CDC45: variants seen among roughly 807,000 people sequenced by gnomAD.
CDC45 encodes the protein cell division control protein 45 homolog.
CDC45 carries 54 observed loss-of-function variants against 77.8 expected under a neutral mutation model. The ratio of observed to expected loss-of-function variants is 0.69; its 90% CI spans 0.56 to 0.87. CDC45 has a LOEUF of 0.87. Ranked by LOEUF, CDC45 falls within the 40% of genes least tolerant of loss-of-function variation. The pLI is 0.00. For synonymous variants in CDC45, 260 were observed against 272.1 expected (o/e 0.96, Z 0.44); for missense variants, 649 against 721.6 (o/e 0.90, Z 1.15).
intron 15 of CDC45, 31 bp from the exon 16 acceptor site, chr22:19,516,496 C>A: frequency 6.4e-7 from 1 of 1,567,338 alleles, no homozygotes; most frequent in Non-Finnish European, 8.8e-7. Context: ...GCCCACCATA[C>A]CCTGACGGAG....
chr22:19,512,612 A>G (rs1054715059), intron 13 of CDC45, among the ~76,000 whole-genome samples: 1 of 152,128 alleles, frequency 6.6e-6, no homozygotes, highest in Non-Finnish European at 1.5e-5. Flanking sequence ...TTGTCTACCA[A>G]CTTCCTGCTA....
At chr22:19,512,963 T>C (rs990759350) in intron 13 of CDC45, among the ~76,000 whole-genome samples, 2 of 152,152 alleles carry the variant, frequency 1.3e-5, no homozygotes, top group Non-Finnish European at 1.5e-5. Flanking sequence ...GCAGAGACCA[T>C]GTGGCAATGG....
intron 8 of CDC45, 123 bp downstream of exon 8, chr22:19,497,570 C>A: frequency 3.8e-6 from 3 of 787,650 alleles, no homozygotes; most frequent in Admixed American, 2.1e-5. Context: ...TCAGATGCAG[C>A]CCCTTTCTGG....
intron 5 of CDC45, among the ~76,000 whole-genome samples, chr22:19,486,188 G>A (rs528628082): frequency 6.6e-6 from 1 of 152,186 alleles, no homozygotes; most frequent in East Asian, 1.9e-4. Flanking sequence ...CAGCCAGCCA[G>A]AAACCATGAT....
At chr22:19,480,806 A>C in intron 2 of CDC45, 147 bp from the exon 3 acceptor site, 1 of 580,466 alleles carries the variant, frequency 1.7e-6, no homozygotes, top group Non-Finnish European at 3.1e-6. Context: ...TATCCCTAGC[A>C]CCTAGCTTTT....
Position 19,497,407 on chromosome 22 carries a change from C to G in CDC45, c.613C>G (p.Leu205Val). ...ACAGTCAGCCATGGTGATGTTTGAG[C>G]TGGCTTGGATGCTGTCCAAGGACCT... ...GTSSAMVMFE[L>V]AWMLSKDLND... The change falls in exon 8 of 19, where the codon CTG becomes GTG. Residue 205 changes from leucine (L) to valine (V), a missense_variant. Transcript: ENST00000263201. 6.2e-7 allele frequency: 1 copy of G among 1,614,116 alleles called. No homozygotes were observed. The highest frequency in any genetic ancestry group is 2.2e-5 in the East Asian group (1 of 44,882).
intron 10 of CDC45, among the ~76,000 whole-genome samples, chr22:19,506,222 G>T (rs1440968019): frequency 6.6e-6 from 1 of 152,190 alleles, no homozygotes; most frequent in African/African-American, 2.4e-5. Flanking sequence ...AGGAGGAAGA[G>T]TGAGGGTGGA....
chr22:19,485,753 G>A (rs1304742899), intron 5 of CDC45, among the ~76,000 whole-genome samples: 1 of 152,146 alleles, frequency 6.6e-6, no homozygotes, highest in Non-Finnish European at 1.5e-5. Context: ...TACAGTGGTT[G>A]AAAGGATAGT....
intron 6 of CDC45, chr22:19,494,616 A>C: frequency 6.8e-7 from 1 of 1,481,474 alleles, no homozygotes. Flanking sequence ...CATGCCATCC[A>C]TTAGAGACCA....
intron 13 of CDC45, 127 bp from the exon 14 acceptor site, chr22:19,514,622 A>G: frequency 1.4e-6 from 1 of 724,860 alleles, no homozygotes; most frequent in Non-Finnish European, 2.3e-6. Context: ...TCAGGAGGGA[A>G]AGAAGATAAA....
In CDC45 at chr22:19,516,553, G is replaced by T. The variant is rs745997156; in HGVS notation, c.1467G>T (p.Leu489=). The T allele has an allele frequency of 2.2e-5, 35 of 1,613,948 alleles. 1 individual carries two copies. In the Middle Eastern group the frequency reaches 4.9e-4, roughly 23 times the overall value. ...CAAAGAACCGGCGCTGCAAACTGCT[G>T]CCCCTGGTGATGGCTGCCCCCCTGA... The part of the protein sequence containing the change: ...CSTKNRRCKL[L]PLVMAAPLSM... The change falls in exon 16 of 19, where the codon CTG becomes CTT. Residue 489 remains leucine, a synonymous_variant. Coordinates refer to ENST00000263201, the MANE Select transcript of CDC45 (RefSeq NM_003504.5).
intron 18 of CDC45, among the ~76,000 whole-genome samples, chr22:19,519,840 G>A (rs1934015006): frequency 6.6e-6 from 1 of 152,154 alleles, no homozygotes; most frequent in African/African-American, 2.4e-5. Context: ...GGCTACATGG[G>A]GCCCATTTTG....
chr22:19,502,465 TAACAC>T (rs1357252641), intron 9 of CDC45, among the ~76,000 whole-genome samples: 2 of 152,224 alleles, frequency 1.3e-5, no homozygotes, highest in South Asian at 2.1e-4. Context: ...GCACAACACA[TAACAC>T]AACATGTACA....
intron 16 of CDC45, 35 bp from the exon 17 acceptor site, chr22:19,516,782 C>T (rs370174509): frequency 2.5e-6 from 4 of 1,596,498 alleles, no homozygotes; most frequent in Non-Finnish European, 3.4e-6. Context: ...CCATTGCAGG[C>T]CGCCTGGCCC....
Position 19,519,702 on chromosome 22 carries a change from C to T in CDC45, c.*2-779C>T, listed in dbSNP as rs537130676. ...CCTCCCCACTCTCCCATCCGTCCGT[C>T]CATCCATCCATCTGTCCATCCCTCC... is the stretch of plus-strand genomic sequence containing the variant. On this transcript the variant is annotated intron_variant, in intron 18 of 18. Coordinates refer to ENST00000263201, the MANE Select transcript of CDC45 (RefSeq NM_003504.5). 7.2e-5 allele frequency among the ~76,000 whole-genome samples: 11 copies of T among 152,374 alleles called. 1 individual carries two copies. In the East Asian group the frequency reaches 2.1e-3, roughly 29 times the overall value.
At chr22:19,518,563 G>A (rs962802467) in intron 17 of CDC45, among the ~76,000 whole-genome samples, 1 of 152,316 alleles carries the variant, frequency 6.6e-6, no homozygotes, top group African/African-American at 2.4e-5. Flanking sequence ...GCCCGTGTTT[G>A]TCCAGGTCTG....
At chr22:19,511,034 G>A (rs1412059945) in intron 13 of CDC45, among the ~76,000 whole-genome samples, 1 of 152,172 alleles carries the variant, frequency 6.6e-6, no homozygotes, top group African/African-American at 2.4e-5. Context: ...GGGTGACATG[G>A]TAACACTAGG....
At chr22:19,484,127 C>A (rs2090028719) in intron 5 of CDC45, 122 bp downstream of exon 5, 9 of 911,722 alleles carry the variant, frequency 9.9e-6, no homozygotes, top group Non-Finnish European at 1.5e-5. Context: ...AGTTAGCAGG[C>A]ATGGATGCTG....
chr22:19,512,524 A>G (rs1395256350), intron 13 of CDC45, among the ~76,000 whole-genome samples: 1 of 152,084 alleles, frequency 6.6e-6, no homozygotes, highest in Non-Finnish European at 1.5e-5. Flanking sequence ...ACTTTTATCT[A>G]GAAATTTGGG....
Sources: gnomAD v4.1 joint callset for allele counts (sites outside exome capture counted in the v4.1 genomes callset) on GRCh38, gnomAD v4.1.1 for gene constraint, MANE v1.5 for transcripts, NCBI Gene and HGNC (gene_info 2026-07-23, HGNC 2026-07-21) for gene names.